Variants in DIP2A observed in about 807,000 individuals in gnomAD.
DIP2A encodes the protein disco-interacting protein 2 homolog A.
Under a neutral mutation model 177.4 loss-of-function variants are expected in DIP2A, and 85 were observed. The ratio of observed to expected loss-of-function variants is 0.48; its 90% CI spans 0.40 to 0.57. The LOEUF is 0.57. Among genes scored for constraint, DIP2A ranks in the 20% least tolerant of loss-of-function variants. The pLI is 0.00. For synonymous variants in DIP2A, 886 were observed against 881.8 expected, an observed-to-expected ratio of 1.00 and a Z score of -0.08; for missense variants, 1,791 against 2,100.2, an observed-to-expected ratio of 0.85 and a Z score of 2.88.
At chr21:46,502,604 C>T (rs1254333578) in intron 5 of DIP2A, among the ~76,000 whole-genome samples, 6 of 151,866 alleles carry the variant, frequency 4.0e-5, no homozygotes, top group East Asian at 1.9e-4. Context: ...TGCACCACCA[C>T]GCCTGGATAA....
intron 9 of DIP2A, 34 bp downstream of exon 9, chr21:46,529,217 G>A (rs60876083): frequency 3.2e-6 from 4 of 1,263,382 alleles, no homozygotes; most frequent in East Asian, 2.6e-5. Flanking sequence ...GTTGGAAGGA[G>A]CAAAAGCAGG....
At chr21:46,507,689 G>T (rs199640211) in intron 6 of DIP2A, among the ~76,000 whole-genome samples, 114 of 50,002 alleles carry the variant, frequency 2.3e-3, no homozygotes, top group South Asian at 3.4e-3. Flanking sequence ...TTAATTTTCT[G>T]TTCTTTTTTT....
At chr21:46,482,469 G>A (rs1334788325) in intron 1 of DIP2A, among the ~76,000 whole-genome samples, 4 of 152,160 alleles carry the variant, frequency 2.6e-5, no homozygotes, top group Non-Finnish European at 5.9e-5. Flanking sequence ...ATTAGGTACT[G>A]TACATAATAC....
At chr21:46,518,597 C>T (rs1309624591) in intron 8 of DIP2A, among the ~76,000 whole-genome samples, 2 of 152,222 alleles carry the variant, frequency 1.3e-5, no homozygotes, top group African/African-American at 4.8e-5. Context: ...TGGCTTACAT[C>T]TATACTCCCA....
chr21:46,516,637 C>T (rs60446383), intron 8 of DIP2A, among the ~76,000 whole-genome samples: 7,927 of 151,496 alleles, frequency 0.052, 448 homozygotes, highest in African/African-American at 0.14. Flanking sequence ...GGACTATAGG[C>T]GCCTGCCACC....
At chr21:46,511,056 C>T (rs1046426450) in intron 7 of DIP2A, among the ~76,000 whole-genome samples, 3 of 152,170 alleles carry the variant, frequency 2.0e-5, no homozygotes, top group Non-Finnish European at 4.4e-5. Context: ...GTCCTATCTC[C>T]AGGCTGTGGA....
At chr21:46,461,198 T>TGA (rs1025027467) in intron 1 of DIP2A, among the ~76,000 whole-genome samples, 80 of 136,942 alleles carry the variant, frequency 5.8e-4, no homozygotes, top group African/African-American at 2.2e-3. Flanking sequence ...CTTGGGAGGC[T>TGA]GAGGCAGGAG....
chr21:46,551,487 A>G, intron 23 of DIP2A, 147 bp from the exon 24 acceptor site: 1 of 692,340 alleles, frequency 1.4e-6, no homozygotes, highest in Non-Finnish European at 2.4e-6. Flanking sequence ...TAAACCTTGT[A>G]GCTAGCTTTC....
At chr21:46,459,703 A>G (rs1240992038) in intron 1 of DIP2A, among the ~76,000 whole-genome samples, 2 of 150,050 alleles carry the variant, frequency 1.3e-5, no homozygotes, top group Non-Finnish European at 1.5e-5. Flanking sequence ...CTCTCATACA[A>G]GGACCCCTCC....
chr21:46,523,501 A>T (rs113188733), intron 8 of DIP2A, among the ~76,000 whole-genome samples: 23,916 of 141,146 alleles, frequency 0.17, 2,164 homozygotes, highest in African/African-American at 0.22. Flanking sequence ...CGCCTCAGCC[A>T]CCCAAAGTGC....
chr21:46,526,594 C>T (rs1182308148), intron 8 of DIP2A, among the ~76,000 whole-genome samples: 1 of 151,968 alleles, frequency 6.6e-6, no homozygotes, highest in Non-Finnish European at 1.5e-5. Flanking sequence ...AGGGTTTTAC[C>T]ATCTCACCCA....
At chr21:46,508,222 T>C (rs1474833802) in intron 6 of DIP2A, among the ~76,000 whole-genome samples, 2 of 151,632 alleles carry the variant, frequency 1.3e-5, no homozygotes, top group Non-Finnish European at 2.9e-5. Flanking sequence ...TTAAATTTTT[T>C]GTAGAGACAG....
chr21:46,549,680 A>G, intron 21 of DIP2A, 91 bp from the exon 22 acceptor site: 1 of 1,562,990 alleles, frequency 6.4e-7, no homozygotes, highest in Non-Finnish European at 8.7e-7. Flanking sequence ...AAATACTAGG[A>G]CAGTCTGCCT....
chr21:46,529,556 T>A (rs1205314744), intron 9 of DIP2A, among the ~76,000 whole-genome samples: 2 of 149,906 alleles, frequency 1.3e-5, no homozygotes, highest in Non-Finnish European at 3.0e-5. Context: ...AGCCAAGATC[T>A]CGCCACTGCA....
At chr21:46,481,790 C>T (rs1355691118) in intron 1 of DIP2A, among the ~76,000 whole-genome samples, 1 of 152,186 alleles carries the variant, frequency 6.6e-6, no homozygotes, top group Non-Finnish European at 1.5e-5. Flanking sequence ...GTGGCTCACA[C>T]CTGTAATCCC....
Position 46,498,504 on chromosome 21 carries a change from G to A in DIP2A, c.404-78G>A. On this transcript the variant is annotated intron_variant, in intron 4 of 37. Coordinates refer to ENST00000417564, the MANE Select transcript of DIP2A (RefSeq NM_015151.4). This position sits in a 1 kb window ranked among gnomAD's most constrained non-coding sequence, Gnocchi z 4.3. The stretch of plus-strand genomic sequence containing the variant: ...AGCATGCTGCACACAGGTCTGGGAG[G>A]CTCCAGTGTGAGTGGGAACTCCGTC... 1 of 1,512,042 alleles carries A rather than the reference G, an allele frequency of 6.6e-7. No homozygotes were observed. The highest frequency in any genetic ancestry group is 9.0e-7 in the Non-Finnish European group (1 of 1,117,130). 93.7% of individuals were successfully genotyped at this position (1,512,042 alleles called of 1,614,324 possible). A position where few individuals can be genotyped will look rare whatever the true frequency, so the allele number is the denominator to read the frequency against.
the DIP2A span, among the ~76,000 whole-genome samples, chr21:46,578,949 T>C: frequency 6.6e-6 from 1 of 152,330 alleles, no homozygotes; most frequent in East Asian, 1.9e-4. Context: ...CAGGTTTTGG[T>C]ATCGGGATGA....
chr21:46,495,179 T>TTCTCTTCTC (rs2057241868), intron 3 of DIP2A, among the ~76,000 whole-genome samples: 3 of 72,376 alleles, frequency 4.1e-5, no homozygotes, highest in Non-Finnish European at 9.7e-5. Flanking sequence ...TCTTTCGCTT[T>TTCTCTTCTC]TTCTCTTCTC....
At chr21:46,476,126 G>A (rs1351274168) in intron 1 of DIP2A, among the ~76,000 whole-genome samples, 1 of 151,312 alleles carries the variant, frequency 6.6e-6, no homozygotes, top group East Asian at 1.9e-4. Context: ...GGCACCTGTA[G>A]TCCCAGCTAC....
Sources: gnomAD v4.1 joint callset for allele counts (sites outside exome capture counted in the v4.1 genomes callset) on GRCh38, gnomAD v4.1.1 for gene constraint, Gnocchi (gnomAD v3.1) non-coding constraint, MANE v1.5 for transcripts, NCBI Gene and HGNC (gene_info 2026-07-23, HGNC 2026-07-21) for gene names.